The following TYK2 variants were observed in gnomAD, a reference collection of about 807,000 sequenced individuals.
The protein encoded by TYK2 is non-receptor tyrosine-protein kinase TYK2.
TYK2 carries 65 observed loss-of-function variants against 130.9 expected under a neutral mutation model. That is an observed-to-expected ratio of 0.50 (90% CI 0.41 to 0.61). The LOEUF is 0.61. Ranked by LOEUF, TYK2 falls within the 20% of genes least tolerant of loss-of-function variation. TYK2 has a pLI of 0.00. For missense variants in TYK2, 1,378 were observed against 1,610.7 expected, an observed-to-expected ratio of 0.86 and a Z score of 2.47; for synonymous variants, 647 against 658.9, an observed-to-expected ratio of 0.98 and a Z score of 0.28.
At position 10,364,779 on chromosome 19, in the gene TYK2, C is replaced by A; in HGVS notation, c.1210-8G>T. The A allele has an allele frequency of 6.2e-7, 1 of 1,613,998 alleles. No individual in the cohort carries two copies. The highest frequency in any genetic ancestry group is 1.7e-5 in the Admixed American group (1 of 60,030). ...GGAAGGCAAGCTCAGCTCCTGCCAGCCAGGGGCGCATCAGGTGGGTGTCCT... is the reference window on the plus strand; with the variant it reads ...GGAAGGCAAGCTCAGCTCCTGCCAGACAGGGGCGCATCAGGTGGGTGTCCT... On this transcript the variant is annotated splice_polypyrimidine_tract_variant and splice_region_variant and intron_variant, in intron 8 of 24. Transcript: ENST00000525621. The surrounding 1 kb of genome is among the most constrained non-coding windows in gnomAD (Gnocchi z 4.9).
intron 3 of TYK2, among the ~76,000 whole-genome samples, chr19:10,375,435 T>C (rs562121922): frequency 1.1e-4 from 17 of 150,148 alleles, no homozygotes; most frequent in African/African-American, 3.7e-4. Context: ...CTGGCCAACA[T>C]GGCAAAACTC....
At chr19:10,368,476 A>G in intron 3 of TYK2, 58 bp from the exon 4 acceptor site, 3 of 1,610,764 alleles carry the variant, frequency 1.9e-6, no homozygotes, top group Non-Finnish European at 2.5e-6. Context: ...TCAGCCCCAA[A>G]GACCCCCCAG....
chr19:10,367,691 C>T (rs547345164), intron 5 of TYK2, among the ~76,000 whole-genome samples: 5 of 150,996 alleles, frequency 3.3e-5, no homozygotes, highest in South Asian at 4.2e-4. Flanking sequence ...GAGGCCGAGG[C>T]GGGCAGATCA....
chr19:10,376,706 T>C (rs566729510), intron 3 of TYK2, among the ~76,000 whole-genome samples: 3 of 151,772 alleles, frequency 2.0e-5, no homozygotes, highest in Non-Finnish European at 4.4e-5. Context: ...AGGTTCAAGC[T>C]ATTCTCCTGC....
At chr19:10,366,666 G>A (rs2041679802) in intron 5 of TYK2, 86 bp from the exon 6 acceptor site, 1 of 1,460,604 alleles carries the variant, frequency 6.8e-7, no homozygotes, top group Non-Finnish European at 9.6e-7. Context: ...GGCTACCCTG[G>A]ACCACACTGG....
Position 10,365,763 on chromosome 19 carries a change from G to C in TYK2, c.765C>G (p.Val255=). The change falls in exon 7 of 25, where the codon GTC becomes GTG. Residue 255 remains valine (V), a synonymous_variant. Coordinates refer to ENST00000525621, the MANE Select transcript of TYK2 (RefSeq NM_003331.5). ...FQPGRLSQQM[V]MVKYLATLER... ...CGAGTGTGGCTAGGTATTTGACCAT[G>C]ACCATCTGCTGGGAGAGTCGGCCCG... The C allele has an allele frequency of 1.9e-6, 3 of 1,612,864 alleles. No homozygotes were observed. The African/African-American group carries it at 4.0e-5, about 21-fold the overall frequency.
intron 5 of TYK2, among the ~76,000 whole-genome samples, chr19:10,367,633 A>G (rs887654762): frequency 1.3e-5 from 2 of 151,342 alleles, no homozygotes; most frequent in Non-Finnish European, 2.9e-5. Context: ...TCAAAAAAAA[A>G]AGATCGGCTG....
chr19:10,357,880 G>C lies in TYK2; in HGVS notation c.2350C>G (p.Leu784Val), dbSNP rs759014184. 184 of 1,613,418 alleles carry C rather than the reference G, an allele frequency of 1.1e-4. No homozygotes were observed. The highest frequency in any genetic ancestry group is 1.8e-4 in the Admixed American group (11 of 60,004). Reference protein sequence around the residue: ...ERIPWLAPECLPGGANSLSTA... With the variant: ...ERIPWLAPECVPGGANSLSTA... ...CTTAGGCTGTTGGCCCCACCTGGTA[G>C]GCATTCGGGGGCCAGCCAGGGGATC... Residue 784 changes from leucine to valine, a missense_variant, in exon 17 of 25, where the codon CTA (leucine) becomes GTA (valine). Physicochemically the swap from Leu to Val is conservative, Grantham distance 32 (BLOSUM62 1). Coordinates refer to ENST00000525621, the MANE Select transcript of TYK2 (RefSeq NM_003331.5).
intron 3 of TYK2, among the ~76,000 whole-genome samples, chr19:10,372,479 TA>T (rs74181801): frequency 9.4e-4 from 68 of 71,974 alleles, no homozygotes; most frequent in Non-Finnish European, 1.3e-3. Flanking sequence ...TATATATATA[TA>T]TATATTTTTT....
At chr19:10,372,488 T>TA in intron 3 of TYK2, among the ~76,000 whole-genome samples, 1 of 75,844 alleles carries the variant, frequency 1.3e-5, no homozygotes, top group African/African-American at 7.5e-5. Context: ...ATATATATTT[T>TA]TTTTTTTTTT....
chr19:10,353,188 A>G lies in TYK2; in HGVS notation c.3028-90T>C. 8.1e-7 allele frequency: 1 copy of G among 1,232,620 alleles called. No individual in the cohort carries two copies. Among genetic ancestry groups the G allele is most frequent in the Non-Finnish European group, 1.1e-6 (1 of 927,600 alleles). The allele number at this position is 1,232,620 out of a possible 1,614,324, so 76.4% of individuals were successfully genotyped here. Reference sequence around the variant, plus strand: ...CCTGAGCAGCCAGGAGGGCTGGGGGACAGTCAGGTCAGGCCGGTGGCTACC... The same window carrying G: ...CCTGAGCAGCCAGGAGGGCTGGGGGGCAGTCAGGTCAGGCCGGTGGCTACC... On this transcript the variant is annotated intron_variant, in intron 21 of 24. Transcript: ENST00000525621. This position sits in a 1 kb window ranked among gnomAD's most constrained non-coding sequence, Gnocchi z 6.9.
At chr19:10,359,049 C>T (rs938966444) in intron 15 of TYK2, 126 bp downstream of exon 15, 28 of 1,331,828 alleles carry the variant, frequency 2.1e-5, no homozygotes, top group East Asian at 1.3e-4. Context: ...GGTGACAGGG[C>T]GAAACTCCAC....
chr19:10,353,091 G>T lies in TYK2; in HGVS notation c.3035C>A (p.Ala1012Asp). 1 of 1,537,342 alleles carries T rather than the reference G, an allele frequency of 6.5e-7. No individual in the cohort carries two copies. The highest frequency in any genetic ancestry group is 8.8e-7 in the Non-Finnish European group (1 of 1,138,332). The change falls in exon 22 of 25, where the codon GCC becomes GAC. Residue 1012 changes from alanine to aspartate, a missense_variant. Physicochemically the swap from Ala to Asp is moderately radical, Grantham distance 126. Coordinates refer to ENST00000525621, the MANE Select transcript of TYK2 (RefSeq NM_003331.5). This position sits in a 1 kb window ranked among gnomAD's most constrained non-coding sequence, Gnocchi z 6.9. ...LFAQQICEGM[A>D]YLHAQHYIHR... ...GATGTAGTGCTGCGCGTGCAGATAGGCCATGCCCTGGGGACGGGGCAGGGC... is the reference window on the plus strand; with the variant it reads ...GATGTAGTGCTGCGCGTGCAGATAGTCCATGCCCTGGGGACGGGGCAGGGC...
intron 3 of TYK2, among the ~76,000 whole-genome samples, chr19:10,371,782 G>A (rs969469437): frequency 1.1e-4 from 17 of 152,256 alleles, no homozygotes; most frequent in African/African-American, 3.6e-4. Flanking sequence ...TCCCGGCTGC[G>A]CAGTAGTCCA....
At chr19:10,363,585 A>G (rs1599347672) in intron 9 of TYK2, among the ~76,000 whole-genome samples, 1 of 152,122 alleles carries the variant, frequency 6.6e-6, no homozygotes, top group African/African-American at 2.4e-5. Flanking sequence ...CCCAGCCATG[A>G]CCATCGCCAC....
At chr19:10,354,702 G>A in intron 18 of TYK2, 93 bp from the exon 19 acceptor site, 1 of 1,049,726 alleles carries the variant, frequency 9.5e-7, no homozygotes, top group South Asian at 1.3e-5. Context: ...AGCTACCCCA[G>A]GATCCGATTC....
chr19:10,359,717 C>T (rs567642684), intron 14 of TYK2, among the ~76,000 whole-genome samples: 108 of 151,888 alleles, frequency 7.1e-4, no homozygotes, highest in South Asian at 3.5e-3. Flanking sequence ...CGGTGGCTCA[C>T]GCCTGTAATC....
intron 3 of TYK2, among the ~76,000 whole-genome samples, chr19:10,373,105 C>T (rs191088189): frequency 1.3e-4 from 19 of 149,722 alleles, no homozygotes; most frequent in Non-Finnish European, 2.1e-4. Context: ...GGCGTGATCT[C>T]GGCTCACTGT....
chr19:10,360,328 C>T (rs1313830407), intron 14 of TYK2, among the ~76,000 whole-genome samples: 2 of 151,920 alleles, frequency 1.3e-5, no homozygotes, highest in African/African-American at 4.8e-5. Context: ...GACCCCATCT[C>T]TACAAAAAAT....
Sources: allele counts gnomAD v4.1 joint callset (sites outside exome capture counted in the v4.1 genomes callset), GRCh38; gene constraint gnomAD v4.1.1; non-coding constraint Gnocchi (gnomAD v3.1); transcripts MANE v1.5; gene names NCBI Gene and HGNC (gene_info 2026-07-23, HGNC 2026-07-21).